Variants in VAX1 observed in about 807,000 individuals in gnomAD.
VAX1 encodes the protein ventral anterior homeobox 1.
Under a neutral mutation model 17.6 loss-of-function variants are expected in VAX1, and 6 were observed. The observed-to-expected ratio is 0.34, with a 90% CI of 0.19 to 0.67. VAX1 has a LOEUF of 0.67. Among genes scored for constraint, VAX1 ranks in the 30% least tolerant of loss-of-function variants. VAX1 has a pLI of 0.69. For missense variants in VAX1, 408 were observed against 463.7 expected (o/e 0.88, Z 1.10); for synonymous variants, 256 against 227.4 (o/e 1.13, Z -1.13).
chr10:117,134,368 C>T lies in VAX1; in HGVS notation c.645G>A (p.Pro215=). The change falls in exon 3 of 3, where the codon CCG becomes CCA. Residue 215 remains proline (P), a synonymous_variant. Transcript: ENST00000369206. This position sits in a 1 kb window ranked among gnomAD's most constrained non-coding sequence, Gnocchi z 6.2. ...LGSALRGPSL[P]ALGAGAAAGS... is the part of the protein sequence containing the mutation. ...CTGCAGCGGCGCCCGCGCCCAGGGC[C>T]GGCAAGCTGGGCCCGCGCAGCGCTG... 8.3e-7 allele frequency: 1 copy of T among 1,199,844 alleles called. No individual in the cohort carries two copies. The highest frequency in any genetic ancestry group is 1.0e-6 in the Non-Finnish European group (1 of 967,844). 74.3% of individuals were successfully genotyped at this position (1,199,844 alleles called of 1,614,324 possible). A position where few individuals can be genotyped will look rare whatever the true frequency, so the allele number is the denominator to read the frequency against.
Position 117,136,127 on chromosome 10 carries a change from C to G in VAX1, c.429+345G>C, listed in dbSNP as rs1177483612. ...TCTAGCCAAAATGGGGTACCCCAAA[C>G]AAGGGCAAAAGTCAGTTCTTTGTAG... On this transcript the variant is annotated intron_variant, in intron 2 of 2. Transcript: ENST00000369206. This position sits in a 1 kb window ranked among gnomAD's most constrained non-coding sequence, Gnocchi z 5.0. Among the ~76,000 whole-genome samples the G allele has an allele frequency of 2.6e-5, 4 of 152,242 alleles. No homozygotes were observed. The highest frequency in any genetic ancestry group is 9.6e-5 in the African/African-American group (4 of 41,464).
Position 117,134,113 on chromosome 10 carries a change from A to G in VAX1, c.900T>C (p.Ala300=). ...SAPLTMAGSL[A]GNLQELSARY... is the part of the protein sequence containing the mutation. ...GGGCGGAGAGTTCTTGCAAATTCCC[A>G]GCTAGCGAACCAGCCATTGTTAACG... is the stretch of plus-strand genomic sequence containing the variant. Residue 300 remains alanine (A), a synonymous_variant, in exon 3 of 3, where the codon GCT becomes GCC. Transcript: ENST00000369206. The surrounding 1 kb of genome is among the most constrained non-coding windows in gnomAD (Gnocchi z 6.2). 6.5e-7 allele frequency: 1 copy of G among 1,536,822 alleles called. No homozygotes were observed. Among genetic ancestry groups the G allele is most frequent in the Non-Finnish European group, 8.8e-7 (1 of 1,140,704 alleles).
In VAX1 at chr10:117,136,618, G is replaced by A. The variant is rs1383464598; in HGVS notation, c.283C>T (p.Leu95=). 5.0e-6 allele frequency: 8 copies of A among 1,611,616 alleles called. No homozygotes were observed. The Admixed American group carries it at 1.3e-4, about 27-fold the overall frequency. Residue 95 remains leucine (L), a synonymous_variant, in exon 2 of 3, where the codon CTG becomes TTG. Coordinates refer to ENST00000369206, the MANE Select transcript of VAX1 (RefSeq NM_001112704.2). This position sits in a 1 kb window ranked among gnomAD's most constrained non-coding sequence, Gnocchi z 5.0. The part of the protein sequence containing the change: ...SIREIILPKG[L]DLDRPKRTRT... ...GTCCTCTTAGGCCGGTCCAAGTCCA[G>A]GCCCTTGGGCAGGATGATCTCTCGG...
downstream of VAX1, chr10:117,130,508 C>CT (rs1854070787): frequency 1.0e-5 from 1 of 97,750 alleles, no homozygotes; most frequent in Non-Finnish European, 2.1e-5. Flanking sequence ...CTTTCAGCTC[C>CT]CCCCTCCTGC....
chr10:117,132,544 A>C, downstream of VAX1: 1 of 1,547,326 alleles, frequency 6.5e-7, no homozygotes, highest in Non-Finnish European at 8.8e-7. The surrounding 1 kb of genome is among the most constrained non-coding windows in gnomAD (Gnocchi z 4.9). Context: ...CAATAAAATT[A>C]CTATTTTAAA....
Position 117,138,240 on chromosome 10 carries a change from G to A in VAX1, c.-184C>T, listed in dbSNP as rs919687569. 2.7e-6 allele frequency: 2 copies of A among 752,578 alleles called. No homozygotes were observed. Among genetic ancestry groups the A allele is most frequent in the Non-Finnish European group, 4.2e-6 (2 of 476,854 alleles). 46.6% of individuals were successfully genotyped at this position (752,578 alleles called of 1,614,324 possible). On this transcript the variant is annotated 5_prime_UTR_variant, in exon 1 of 3. Transcript: ENST00000369206. Reference sequence around the variant, plus strand: ...ATGTCCCCGCGGGGAGGCTTCGGCGGCCGCGCGCGGGTCAGCGGCGACGGG... The same window carrying A: ...ATGTCCCCGCGGGGAGGCTTCGGCGACCGCGCGCGGGTCAGCGGCGACGGG...
chr10:117,133,945 CGT>C lies in VAX1; in HGVS notation c.*61_*62del. On this transcript the variant is annotated 3_prime_UTR_variant, in exon 3 of 3. Coordinates refer to ENST00000369206, the MANE Select transcript of VAX1 (RefSeq NM_001112704.2). ...GCAGGAGCTCTGGGCACCTAATGCG[CGT>C]GAGTCCATAAATATCACCACAATAG... is the stretch of plus-strand genomic sequence containing the variant. The C allele has an allele frequency of 6.9e-7, 1 of 1,451,792 alleles. No individual in the cohort carries two copies. Among genetic ancestry groups the C allele is most frequent in the Non-Finnish European group, 9.0e-7 (1 of 1,110,174 alleles). 89.9% of individuals were successfully genotyped at this position (1,451,792 alleles called of 1,614,324 possible).
At position 117,133,895 on chromosome 10, in the gene VAX1, G is replaced by C; in HGVS notation, c.*113C>G. The stretch of plus-strand genomic sequence containing the variant: ...TAGTGGGAAAGGAGAGCTGTCAGAG[G>C]CCTGGTGGGAGCCAGGAGCCCAGCG... On this transcript the variant is annotated 3_prime_UTR_variant, in exon 3 of 3. Coordinates refer to ENST00000369206, the MANE Select transcript of VAX1 (RefSeq NM_001112704.2). The C allele has an allele frequency of 7.1e-7, 1 of 1,410,484 alleles. No homozygotes were observed. The highest frequency in any genetic ancestry group is 9.2e-7 in the Non-Finnish European group (1 of 1,089,432). 87.4% of individuals were successfully genotyped at this position (1,410,484 alleles called of 1,614,324 possible).
rs770615888 is a variant in VAX1 at position 117,134,895 on chromosome 10, C to A, written c.430-312G>T. Among the ~76,000 whole-genome samples, 11 of 152,176 alleles carry A rather than the reference C, an allele frequency of 7.2e-5. No homozygotes were observed. Among genetic ancestry groups the A allele is most frequent in the Non-Finnish European group, 1.0e-4 (7 of 68,044 alleles). ...CTCGAAGGAAGACCGGAAAGGGTTT[C>A]ACTGGCTTCCGCGCTACCCCGCAGC... On this transcript the variant is annotated intron_variant, in intron 2 of 2. Coordinates refer to ENST00000369206, the MANE Select transcript of VAX1 (RefSeq NM_001112704.2). The surrounding 1 kb of genome is among the most constrained non-coding windows in gnomAD (Gnocchi z 6.2).
chr10:117,129,416 A>T (rs1403800517), downstream of VAX1: 1 of 152,658 alleles, frequency 6.6e-6, no homozygotes, highest in Non-Finnish European at 1.5e-5. Context: ...TCAGCCATTT[A>T]ATCAAGCCAC....
Position 117,134,625 on chromosome 10 carries a change from G to A in VAX1, c.430-42C>T, listed in dbSNP as rs1360920475. On this transcript the variant is annotated intron_variant, in intron 2 of 2. Transcript: ENST00000369206. The surrounding 1 kb of genome is among the most constrained non-coding windows in gnomAD (Gnocchi z 6.2). ...GGGGAGAGTTGGAGAGAGGGGCAGG[G>A]AAGACCAGCGTCAAAGGAAGCGAGC... The A allele has an allele frequency of 2.0e-6, 3 of 1,464,388 alleles. No individual in the cohort carries two copies. The highest frequency in any genetic ancestry group is 2.7e-6 in the Non-Finnish European group (3 of 1,107,846). 90.7% of individuals were successfully genotyped at this position (1,464,388 alleles called of 1,614,324 possible).
Position 117,134,338 on chromosome 10 carries a change from C to T in VAX1, c.675G>A (p.Ser225=). 1 of 1,059,840 alleles carries T rather than the reference C, an allele frequency of 9.4e-7. No homozygotes were observed. The highest frequency in any genetic ancestry group is 1.1e-6 in the Non-Finnish European group (1 of 880,388). The allele number at this position is 1,059,840 out of a possible 1,614,324, so 65.7% of individuals were successfully genotyped here. Residue 225 remains serine (S), a synonymous_variant, in exon 3 of 3, where the codon TCG becomes TCA. Coordinates refer to ENST00000369206, the MANE Select transcript of VAX1 (RefSeq NM_001112704.2). This position sits in a 1 kb window ranked among gnomAD's most constrained non-coding sequence, Gnocchi z 6.2. Reference sequence around the variant, plus strand: ...GGGCGGCGGCGGCGGCTGCGGCGGCCGAGCCTGCAGCGGCGCCCGCGCCCA... The same window carrying T: ...GGGCGGCGGCGGCGGCTGCGGCGGCTGAGCCTGCAGCGGCGCCCGCGCCCA... The part of the protein sequence containing the change: ...PALGAGAAAG[S]AAAAAAAAPG...
Position 117,137,722 on chromosome 10 carries a change from A to C in VAX1, c.241+94T>G, listed in dbSNP as rs1022117583. 8.8e-6 allele frequency: 14 copies of C among 1,593,544 alleles called. No individual in the cohort carries two copies. Among genetic ancestry groups the C allele is most frequent in the Non-Finnish European group, 1.2e-5 (14 of 1,177,468 alleles). The stretch of plus-strand genomic sequence containing the variant: ...AACTTTCTCCCAAGTCCCAGCCGGC[A>C]CTCCTTCCCACCGGCCTGTGTCGGC... On this transcript the variant is annotated intron_variant, in intron 1 of 2. Coordinates refer to ENST00000369206, the MANE Select transcript of VAX1 (RefSeq NM_001112704.2). The surrounding 1 kb of genome is among the most constrained non-coding windows in gnomAD (Gnocchi z 7.4).
At position 117,137,931 on chromosome 10, in the gene VAX1, G is replaced by A. The variant is rs148630891; in HGVS notation, c.126C>T (p.Ala42=). 1.7e-3 allele frequency: 2,774 copies of A among 1,613,870 alleles called. 6 individuals are homozygous for A. The highest frequency in any genetic ancestry group is 0.012 in the Middle Eastern group (73 of 6,062). ...AGGCGCCCTGCGGCTCCTTGAGGAAGGCGGCTGGGAGGTTCCCCTCCGCGC... is the reference window on the plus strand; with the variant it reads ...AGGCGCCCTGCGGCTCCTTGAGGAAAGCGGCTGGGAGGTTCCCCTCCGCGC... The part of the protein sequence containing the change: ...SKGAEGNLPA[A]FLKEPQGAFS... The change falls in exon 1 of 3, where the codon GCC becomes GCT. Residue 42 remains alanine, a synonymous_variant. Coordinates refer to ENST00000369206, the MANE Select transcript of VAX1 (RefSeq NM_001112704.2). The surrounding 1 kb of genome is among the most constrained non-coding windows in gnomAD (Gnocchi z 7.4).
In VAX1 at chr10:117,134,620, G is replaced by A; in HGVS notation, c.430-37C>T. ...GGTGCGGGGAGAGTTGGAGAGAGGG[G>A]CAGGGAAGACCAGCGTCAAAGGAAG... On this transcript the variant is annotated intron_variant, in intron 2 of 2. Coordinates refer to ENST00000369206, the MANE Select transcript of VAX1 (RefSeq NM_001112704.2). The surrounding 1 kb of genome is among the most constrained non-coding windows in gnomAD (Gnocchi z 6.2). 2 of 1,478,842 alleles carry A rather than the reference G, an allele frequency of 1.4e-6. No individual in the cohort carries two copies. Among genetic ancestry groups the A allele is most frequent in the Non-Finnish European group, 1.8e-6 (2 of 1,115,426 alleles). The allele number at this position is 1,478,842 out of a possible 1,614,324, so 91.6% of individuals were successfully genotyped here.
At position 117,133,951 on chromosome 10, in the gene VAX1, T is replaced by C; in HGVS notation, c.*57A>G. ...GCTCTGGGCACCTAATGCGCGTGAGTCCATAAATATCACCACAATAGATAC... is the reference window on the plus strand; with the variant it reads ...GCTCTGGGCACCTAATGCGCGTGAGCCCATAAATATCACCACAATAGATAC... On this transcript the variant is annotated 3_prime_UTR_variant, in exon 3 of 3. Coordinates refer to ENST00000369206, the MANE Select transcript of VAX1 (RefSeq NM_001112704.2). 1.4e-6 allele frequency: 2 copies of C among 1,458,132 alleles called. No homozygotes were observed. The highest frequency in any genetic ancestry group is 9.0e-7 in the Non-Finnish European group (1 of 1,113,186). 90.3% of individuals were successfully genotyped at this position (1,458,132 alleles called of 1,614,324 possible). A position where few individuals can be genotyped will look rare whatever the true frequency, so the allele number is the denominator to read the frequency against.
At position 117,133,968 on chromosome 10, in the gene VAX1, A is replaced by T; in HGVS notation, c.*40T>A. On this transcript the variant is annotated 3_prime_UTR_variant, in exon 3 of 3. Transcript: ENST00000369206. The stretch of plus-strand genomic sequence containing the variant: ...CGCGTGAGTCCATAAATATCACCAC[A>T]ATAGATACTATAAATATAAATACAG... The T allele has an allele frequency of 6.7e-7, 1 of 1,485,150 alleles. No individual in the cohort carries two copies. Among genetic ancestry groups the T allele is most frequent in the Non-Finnish European group, 8.9e-7 (1 of 1,122,536 alleles). 92.0% of individuals were successfully genotyped at this position (1,485,150 alleles called of 1,614,324 possible).
downstream of VAX1, chr10:117,132,269 C>G (rs750506047): frequency 9.9e-6 from 16 of 1,614,030 alleles, no homozygotes; most frequent in Non-Finnish European, 1.3e-5. This position sits in a 1 kb window ranked among gnomAD's most constrained non-coding sequence, Gnocchi z 4.9. Flanking sequence ...CATTTGCTGG[C>G]TCTTTCTTCC....
chr10:117,132,254 C>A (rs751910155), downstream of VAX1: 5 of 1,614,144 alleles, frequency 3.1e-6, no homozygotes, highest in Non-Finnish European at 1.7e-6. This position sits in a 1 kb window ranked among gnomAD's most constrained non-coding sequence, Gnocchi z 4.9. Context: ...CACGCCGAGA[C>A]TCATCATTTG....
Sources: gnomAD v4.1 joint callset for allele counts (sites outside exome capture counted in the v4.1 genomes callset) on GRCh38, gnomAD v4.1.1 for gene constraint, Gnocchi (gnomAD v3.1) non-coding constraint, MANE v1.5 for transcripts, NCBI Gene and HGNC (gene_info 2026-07-23, HGNC 2026-07-21) for gene names.